Variants in PPA2 observed in about 807,000 individuals in gnomAD.
PPA2 encodes the protein inorganic pyrophosphatase 2, mitochondrial.
PPA2 carries 48 observed loss-of-function variants against 49.5 expected under a neutral mutation model. The observed-to-expected ratio is 0.97, with a 90% CI of 0.77 to 1.23. The LOEUF is 1.23. Ranked by LOEUF, PPA2 falls within the 50% of genes most tolerant of loss-of-function variation. The pLI is 0.00. For missense variants in PPA2, 429 were observed against 410.1 expected, an observed-to-expected ratio of 1.05 and a Z score of -0.40; for synonymous variants, 131 against 139.9, an observed-to-expected ratio of 0.94 and a Z score of 0.45.
Position 105,446,382 on chromosome 4 carries a change from C to T in PPA2, c.441+1G>A. 1 of 1,547,842 alleles carries T rather than the reference C, an allele frequency of 6.5e-7. No individual in the cohort carries two copies. The highest frequency in any genetic ancestry group is 1.4e-5 in the African/African-American group (1 of 72,078). On this transcript the variant is annotated splice_donor_variant, in intron 5 of 11. Coordinates refer to ENST00000341695, the MANE Select transcript of PPA2 (RefSeq NM_176869.3). LOFTEE classifies it high-confidence loss of function. Reference sequence around the variant, plus strand: ...TTTTACCATTGTAACAAAAATGTTACCTGAGGGAGGGTACCATAATTCCAT... The same window carrying T: ...TTTTACCATTGTAACAAAAATGTTATCTGAGGGAGGGTACCATAATTCCAT...
At chr4:105,371,196 A>G (rs570953226) in intron 10 of PPA2, among the ~76,000 whole-genome samples, 1 of 152,304 alleles carries the variant, frequency 6.6e-6, no homozygotes, top group East Asian at 1.9e-4. Flanking sequence ...GAAAGTTAAA[A>G]TCAAGCACAC....
rs189943731 is a variant in PPA2 at position 105,393,672 on chromosome 4, A to C, written c.869+2577T>G. Among the ~76,000 whole-genome samples, 279 of 152,028 alleles carry C rather than the reference A, an allele frequency of 1.8e-3. 1 individual carries two copies. The highest frequency in any genetic ancestry group is 3.1e-3 in the Non-Finnish European group (208 of 67,944). ...GGACAATGTATCTGAGTTCTCTAAC[A>C]ATTTCCCTAGTTAATTCTGTGTATT... On this transcript the variant is annotated intron_variant, in intron 9 of 11. Coordinates refer to ENST00000341695, the MANE Select transcript of PPA2 (RefSeq NM_176869.3).
chr4:105,456,785 G>A, intron 1 of PPA2, 40 bp from the exon 2 acceptor site: 2 of 1,491,478 alleles, frequency 1.3e-6, no homozygotes, highest in Non-Finnish European at 1.8e-6. Context: ...CAGAATTAAA[G>A]CAATAGACAC....
At chr4:105,429,459 T>A (rs1291977149) in intron 6 of PPA2, among the ~76,000 whole-genome samples, 1 of 152,198 alleles carries the variant, frequency 6.6e-6, no homozygotes, top group African/African-American at 2.4e-5. Flanking sequence ...ATTCCAAAAT[T>A]AAAAAGTTAA....
intron 1 of PPA2, among the ~76,000 whole-genome samples, chr4:105,462,167 C>A (rs867308103): frequency 2.0e-5 from 3 of 151,882 alleles, no homozygotes; most frequent in African/African-American, 7.3e-5. Context: ...GCAACACATG[C>A]CGTTATTTTT....
chr4:105,374,546 T>A (rs55998107), intron 10 of PPA2, among the ~76,000 whole-genome samples: 13,066 of 152,316 alleles, frequency 0.086, 753 homozygotes, highest in Non-Finnish European at 0.13. Flanking sequence ...ATATAAACTG[T>A]ATTTTAAACA....
chr4:105,449,209 T>A (rs1205423665), intron 4 of PPA2, 141 bp downstream of exon 4: 1 of 331,038 alleles, frequency 3.0e-6, no homozygotes, highest in African/African-American at 3.7e-5. Flanking sequence ...AGAGCGAGAC[T>A]CCGTCTCAAA....
At chr4:105,417,866 T>A (rs528122846) in intron 7 of PPA2, among the ~76,000 whole-genome samples, 19 of 152,238 alleles carry the variant, frequency 1.2e-4, no homozygotes, top group Admixed American at 9.8e-4. Context: ...AACCCGGCAT[T>A]TTTCAGAAGA....
rs1179411807 is a variant in PPA2 at position 105,438,045 on chromosome 4, T to A, written c.442-9A>T. 2.5e-6 allele frequency: 4 copies of A among 1,587,768 alleles called. No homozygotes were observed. The highest frequency in any genetic ancestry group is 1.7e-4 in the Middle Eastern group (1 of 5,904). On this transcript the variant is annotated splice_polypyrimidine_tract_variant and intron_variant, in intron 5 of 11. Coordinates refer to ENST00000341695, the MANE Select transcript of PPA2 (RefSeq NM_176869.3). ...TGGGGATCTTCCCAAGTCTAAAATTTTTTTTTTAAAAAAAAGCAGAAATGT... is the reference window on the plus strand; with the variant it reads ...TGGGGATCTTCCCAAGTCTAAAATTATTTTTTTAAAAAAAAGCAGAAATGT...
At chr4:105,455,730 A>C (rs1192438840) in intron 2 of PPA2, among the ~76,000 whole-genome samples, 1 of 152,166 alleles carries the variant, frequency 6.6e-6, no homozygotes, top group Non-Finnish European at 1.5e-5. Context: ...ATGATGCATA[A>C]TATTCAGCCT....
At chr4:105,396,686 G>A (rs148175113) in intron 8 of PPA2, among the ~76,000 whole-genome samples, 3 of 152,100 alleles carry the variant, frequency 2.0e-5, no homozygotes, top group African/African-American at 4.8e-5. Flanking sequence ...CTAGTACTAC[G>A]ATAGCAGAGT....
intron 3 of PPA2, among the ~76,000 whole-genome samples, chr4:105,452,344 C>T (rs890142846): frequency 6.6e-6 from 1 of 152,096 alleles, no homozygotes; most frequent in Non-Finnish European, 1.5e-5. Context: ...ACACTAAGTC[C>T]CCTGGGGATC....
At chr4:105,389,485 C>G (rs1024819824) in intron 9 of PPA2, among the ~76,000 whole-genome samples, 3 of 150,486 alleles carry the variant, frequency 2.0e-5, no homozygotes, top group African/African-American at 7.3e-5. Context: ...GCACTGCTTT[C>G]CTTTTTATAC....
chr4:105,413,652 G>T (rs929189872), intron 7 of PPA2, among the ~76,000 whole-genome samples: 5 of 152,184 alleles, frequency 3.3e-5, no homozygotes, highest in Non-Finnish European at 7.4e-5. Flanking sequence ...AATGAAATGT[G>T]TAAGAAAGAC....
At chr4:105,444,474 G>GGTGAATGCA (rs1724515758) in intron 5 of PPA2, among the ~76,000 whole-genome samples, 1 of 152,192 alleles carries the variant, frequency 6.6e-6, no homozygotes, top group African/African-American at 2.4e-5. Flanking sequence ...GGTGAATGCA[G>GGTGAATGCA]GGTGAATAAT....
intron 9 of PPA2, among the ~76,000 whole-genome samples, chr4:105,394,100 C>G (rs1012574263): frequency 1.3e-5 from 2 of 151,998 alleles, no homozygotes; most frequent in African/African-American, 4.8e-5. Context: ...GGTGTGGTGG[C>G]TCACGCCTGT....
intron 9 of PPA2, among the ~76,000 whole-genome samples, chr4:105,395,503 G>C (rs1273254363): frequency 6.6e-6 from 1 of 152,168 alleles, no homozygotes; most frequent in Non-Finnish European, 1.5e-5. Flanking sequence ...TATGTTCACA[G>C]ATGAACTGTA....
Position 105,396,325 on chromosome 4 carries a change from G to A in PPA2, c.793C>T (p.Leu265Phe), listed in dbSNP as rs747295336. The A allele has an allele frequency of 6.3e-6, 10 of 1,591,920 alleles. No individual in the cohort carries two copies. In the African/African-American group the frequency reaches 1.3e-4, roughly 21 times the overall value. ...TGATGAGTGGATTTAATAACTTCAAGAGCAAAAGCCTAGCTCCAAACAAAC... is the reference window on the plus strand; with the variant it reads ...TGATGAGTGGATTTAATAACTTCAAAAGCAAAAGCCTAGCTCCAAACAAAC... Reference protein sequence around the residue: ...NGEFKNKAFALEVIKSTHQCW... With the variant: ...NGEFKNKAFAFEVIKSTHQCW... Residue 265 changes from leucine (L) to phenylalanine (F), a missense_variant, in exon 9 of 12, where the codon CTT becomes TTT. Coordinates refer to ENST00000341695, the MANE Select transcript of PPA2 (RefSeq NM_176869.3).
intron 10 of PPA2, among the ~76,000 whole-genome samples, chr4:105,379,287 ATAT>A (rs1733378326): frequency 6.6e-6 from 1 of 151,742 alleles, no homozygotes; most frequent in Non-Finnish European, 1.5e-5. Context: ...TGTAATTTTA[ATAT>A]TATTTTCTAA....
Sources: allele counts gnomAD v4.1 joint callset (sites outside exome capture counted in the v4.1 genomes callset), GRCh38; gene constraint gnomAD v4.1.1; transcripts MANE v1.5; gene names NCBI Gene and HGNC (gene_info 2026-07-23, HGNC 2026-07-21).